B3GALT1: variants seen among roughly 807,000 people sequenced by gnomAD.
B3GALT1 encodes the protein beta-1,3-galactosyltransferase 1, also known as UDP-Gal:betaGlcNAc beta 1,3-galactosyltransferase, polypeptide 1.
A neutral mutation model predicts 23.2 loss-of-function variants in B3GALT1; 10 were observed. That is an observed-to-expected ratio of 0.43 (90% confidence interval 0.27 to 0.73). The LOEUF is 0.73. Among genes scored for constraint, B3GALT1 ranks in the 30% least tolerant of loss-of-function variants. The pLI, the probability that B3GALT1 is intolerant of heterozygous loss-of-function variation, is 0.21. For synonymous variants in B3GALT1, 156 were observed against 141.5 expected, an observed-to-expected ratio of 1.10 and a Z score of -0.73; for missense variants, 299 against 405.4, an observed-to-expected ratio of 0.74 and a Z score of 2.25.
rs1699268553 is a variant in B3GALT1 at position 167,462,199 on chromosome 2, T to A, written c.-510-27978T>A. Among the ~76,000 whole-genome samples, 5 of 152,296 alleles carry A rather than the reference T, an allele frequency of 3.3e-5. No individual in the cohort carries two copies. In the South Asian group the frequency reaches 1.0e-3, roughly 32 times the overall value. ...ATGTTTGAGTGTTTATTACTTTTAT[T>A]TTAATATAATTAATTTAGAATTATA... is the stretch of plus-strand genomic sequence containing the variant. On this transcript the variant is annotated intron_variant, in intron 1 of 4. Coordinates refer to ENST00000392690, the MANE Select transcript of B3GALT1 (RefSeq NM_020981.4).
chr2:167,563,898 G>C (rs1261925774), intron 2 of B3GALT1, among the ~76,000 whole-genome samples: 1 of 2,814 alleles, frequency 3.6e-4, no homozygotes, highest in Non-Finnish European at 7.9e-4. Context: ...CGGCCGGCCG[G>C]GCGGGGCCGA....
rs1205327641 is a variant in B3GALT1 at position 167,293,121 on chromosome 2, C to G, written c.-724C>G. The G allele has an allele frequency of 6.6e-6, 1 of 151,172 alleles. No homozygotes were observed. Among genetic ancestry groups the G allele is most frequent in the Non-Finnish European group, 1.5e-5 (1 of 67,744 alleles). 9.4% of individuals were successfully genotyped at this position (151,172 alleles called of 1,614,324 possible). A position where few individuals can be genotyped will look rare whatever the true frequency, so the allele number is the denominator to read the frequency against. ...GCCGCCGCCTCTGCTGCTGCCCACC[C>G]CGCCGCGCCGCCGGCGCTGCCGGTC... On this transcript the variant is annotated 5_prime_UTR_variant, in exon 1 of 5. Transcript: ENST00000392690.
At chr2:167,624,134 C>A (rs1053383430) in intron 2 of B3GALT1, among the ~76,000 whole-genome samples, 2 of 151,964 alleles carry the variant, frequency 1.3e-5, no homozygotes, top group African/African-American at 4.8e-5. Context: ...GAGTATTTTC[C>A]AGAAACAGGC....
chr2:167,715,242 T>C, intron 3 of B3GALT1: 1 of 1,614,008 alleles, frequency 6.2e-7, no homozygotes, highest in Non-Finnish European at 8.5e-7. Context: ...GCCTGATCTT[T>C]CATCATTGGC....
intron 1 of B3GALT1, among the ~76,000 whole-genome samples, chr2:167,359,859 A>G (rs916238160): frequency 3.3e-5 from 5 of 152,092 alleles, no homozygotes; most frequent in African/African-American, 9.7e-5. Flanking sequence ...GCTGGAAACT[A>G]TAAGAAGTAG....
At chr2:167,311,201 C>T (rs1696630019) in intron 1 of B3GALT1, among the ~76,000 whole-genome samples, 1 of 152,038 alleles carries the variant, frequency 6.6e-6, no homozygotes, top group Non-Finnish European at 1.5e-5. Context: ...TAGTTATACA[C>T]AGAATGTTAT....
chr2:167,486,893 A>G (rs1699635240), intron 1 of B3GALT1, among the ~76,000 whole-genome samples: 1 of 152,216 alleles, frequency 6.6e-6, no homozygotes, highest in South Asian at 2.1e-4. Context: ...AATGTTGGGA[A>G]AATGTTCTGT....
At chr2:167,813,405 A>G (rs1035951503) in intron 3 of B3GALT1, among the ~76,000 whole-genome samples, 7 of 152,222 alleles carry the variant, frequency 4.6e-5, no homozygotes, top group African/African-American at 1.7e-4. Context: ...GATATAGTCA[A>G]CACTGAGTCA....
In B3GALT1 at chr2:167,331,153, G is replaced by C. The variant is rs371252523; in HGVS notation, c.-511+37819G>C. On this transcript the variant is annotated intron_variant, in intron 1 of 4. Coordinates refer to ENST00000392690, the MANE Select transcript of B3GALT1 (RefSeq NM_020981.4). ...TATGATTTCCTTGGTGGCTTAGGCT[G>C]TGATTGTTAGTAGAGGCTGTGGCGA... 3.3e-5 allele frequency among the ~76,000 whole-genome samples: 5 copies of C among 152,146 alleles called. No individual in the cohort carries two copies. The East Asian group carries it at 5.8e-4, about 18-fold the overall frequency.
At position 167,870,190 on chromosome 2, in the gene B3GALT1, T is replaced by C; in HGVS notation, c.*170T>C. 1 of 635,418 alleles carries C rather than the reference T, an allele frequency of 1.6e-6. No individual in the cohort carries two copies. The highest frequency in any genetic ancestry group is 2.6e-6 in the Non-Finnish European group (1 of 379,472). The allele number at this position is 635,418 out of a possible 1,614,324, so 39.4% of individuals were successfully genotyped here. On this transcript the variant is annotated 3_prime_UTR_variant, in exon 5 of 5. Transcript: ENST00000392690. ...TTACCAATTTATGAATGTTAGACTC[T>C]GGTCATAGAAACAATAAATGAGTTA...
chr2:167,381,596 A>G (rs1399819999), intron 1 of B3GALT1, among the ~76,000 whole-genome samples: 2 of 152,176 alleles, frequency 1.3e-5, no homozygotes, highest in Admixed American at 1.3e-4. Context: ...TTAAGGGCCA[A>G]TGATCTAAGT....
At chr2:167,573,783 A>G (rs930074744) in intron 2 of B3GALT1, among the ~76,000 whole-genome samples, 3 of 151,674 alleles carry the variant, frequency 2.0e-5, no homozygotes, top group Non-Finnish European at 4.4e-5. Flanking sequence ...CAGAAAAAAA[A>G]GTGTGCTTAG....
intron 4 of B3GALT1, among the ~76,000 whole-genome samples, chr2:167,863,590 C>G (rs1299685240): frequency 6.6e-6 from 1 of 152,104 alleles, no homozygotes; most frequent in African/African-American, 2.4e-5. Flanking sequence ...ACATACTGAC[C>G]CATTACCAAC....
chr2:167,443,466 A>G (rs1376998621), intron 1 of B3GALT1, among the ~76,000 whole-genome samples: 1 of 152,226 alleles, frequency 6.6e-6, no homozygotes, highest in East Asian at 1.9e-4. Context: ...TACCTTGGGC[A>G]GTATGGCCAT....
At chr2:167,787,430 G>A (rs1210840171) in intron 3 of B3GALT1, among the ~76,000 whole-genome samples, 3 of 152,180 alleles carry the variant, frequency 2.0e-5, no homozygotes, top group Non-Finnish European at 2.9e-5. Context: ...AAATGACCTC[G>A]ATGCTAATGC....
At chr2:167,835,312 T>C (rs968773789) in intron 4 of B3GALT1, among the ~76,000 whole-genome samples, 20 of 152,042 alleles carry the variant, frequency 1.3e-4, no homozygotes, top group Admixed American at 6.5e-4. Context: ...ACCTGGAAAA[T>C]TGGGTCACTC....
At chr2:167,849,183 C>A (rs1223132827) in intron 4 of B3GALT1, among the ~76,000 whole-genome samples, 1 of 152,050 alleles carries the variant, frequency 6.6e-6, no homozygotes, top group Non-Finnish European at 1.5e-5. Flanking sequence ...TCAATAGAAT[C>A]CCCATCAAAA....
At chr2:167,528,559 C>T (rs1363211809) in intron 2 of B3GALT1, among the ~76,000 whole-genome samples, 11 of 152,114 alleles carry the variant, frequency 7.2e-5, no homozygotes, top group African/African-American at 2.2e-4. Flanking sequence ...AATTCTACTT[C>T]GCTACTATGG....
chr2:167,716,045 G>T (rs564902222), intron 3 of B3GALT1: 1 of 1,600,008 alleles, frequency 6.2e-7, no homozygotes, highest in Non-Finnish European at 8.6e-7. Flanking sequence ...AGGGCCGAGC[G>T]GTAGCGCCGG....
Sources: gnomAD v4.1 joint callset for allele counts (sites outside exome capture counted in the v4.1 genomes callset) on GRCh38, gnomAD v4.1.1 for gene constraint, MANE v1.5 for transcripts, NCBI Gene and HGNC (gene_info 2026-07-23, HGNC 2026-07-21) for gene names.